ANO10: variants seen among roughly 807,000 people sequenced by gnomAD.
ANO10 encodes the protein anoctamin-10.
A neutral mutation model predicts 74.7 loss-of-function variants in ANO10; 77 were observed. That is an observed-to-expected ratio of 1.03 (90% CI 0.86 to 1.25). The LOEUF is 1.25. Ranked by LOEUF, ANO10 falls within the 50% of genes most tolerant of loss-of-function variation. The pLI, the probability that ANO10 is intolerant of heterozygous loss-of-function variation, is 0.00. For synonymous variants in ANO10, 279 were observed against 284.9 expected (o/e 0.98, Z 0.21); for missense variants, 721 against 778.1 (o/e 0.93, Z 0.87).
At chr3:43,645,444 G>A (rs947152994) in intron 1 of ANO10, among the ~76,000 whole-genome samples, 1 of 150,262 alleles carries the variant, frequency 6.7e-6, no homozygotes, top group African/African-American at 2.5e-5. Flanking sequence ...AGCTGAGATC[G>A]TGCCACTGCA....
intron 12 of ANO10, among the ~76,000 whole-genome samples, chr3:43,417,423 C>G (rs560246145): frequency 9.9e-5 from 15 of 152,268 alleles, no homozygotes; most frequent in African/African-American, 3.4e-4. Context: ...GTGAGCCCTA[C>G]TTAAATCAGA....
At position 43,366,911 on chromosome 3, in the gene ANO10, T is replaced by C; in HGVS notation, c.1978A>G (p.Thr660Ala). The C allele has an allele frequency of 2.5e-6, 4 of 1,590,286 alleles. No homozygotes were observed. The highest frequency in any genetic ancestry group is 3.4e-6 in the Non-Finnish European group (4 of 1,168,456). ...EPMESGKEKA[T>A] ...CAGCTGGGCACGCTGGGCACTCAGGTTGCCTTCTCCTTCCCGCTTTCCATT... is the reference window on the plus strand; with the variant it reads ...CAGCTGGGCACGCTGGGCACTCAGGCTGCCTTCTCCTTCCCGCTTTCCATT... Residue 660 changes from threonine (T) to alanine (A), a missense_variant, in exon 13 of 13, where the codon ACC becomes GCC. Physicochemically the swap from Thr to Ala is moderately conservative, Grantham distance 58. Coordinates refer to ENST00000292246, the MANE Select transcript of ANO10 (RefSeq NM_018075.5).
intron 12 of ANO10, among the ~76,000 whole-genome samples, chr3:43,403,239 G>T (rs1329505943): frequency 2.6e-5 from 4 of 152,222 alleles, no homozygotes; most frequent in Non-Finnish European, 4.4e-5. Context: ...ACTCACAGAG[G>T]TGCCACAGAT....
intron 1 of ANO10, chr3:43,636,576 G>A (rs909559515): frequency 2.0e-5 from 3 of 152,166 alleles, no homozygotes; most frequent in Non-Finnish European, 2.9e-5. Flanking sequence ...TATACAGAGA[G>A]GATTGAAAGA....
intron 9 of ANO10, among the ~76,000 whole-genome samples, chr3:43,560,996 T>C (rs2080004059): frequency 6.6e-6 from 1 of 152,248 alleles, no homozygotes; most frequent in Admixed American, 6.5e-5. Flanking sequence ...TCTCCAAATT[T>C]GCCCTTTGGT....
At position 43,580,573 on chromosome 3, in the gene ANO10, G is replaced by A. The variant is rs776942971; in HGVS notation, c.473-101C>T. On this transcript the variant is annotated intron_variant, in intron 4 of 12. Transcript: ENST00000292246. ...AGGACACTCCACAGAGGAGTACAAC[G>A]CAAAGGTCAATGTCATACTGCCTAC... The A allele has an allele frequency of 3.3e-4, 479 of 1,447,126 alleles. 1 individual carries two copies. The highest frequency in any genetic ancestry group is 4.4e-4 in the Non-Finnish European group (463 of 1,050,406). The allele number at this position is 1,447,126 out of a possible 1,614,324, so 89.6% of individuals were successfully genotyped here.
At chr3:43,567,635 A>C (rs545235080) in intron 7 of ANO10, among the ~76,000 whole-genome samples, 2 of 152,274 alleles carry the variant, frequency 1.3e-5, no homozygotes, top group South Asian at 4.2e-4. Flanking sequence ...GCAAATGCTG[A>C]GAGATTTTGT....
chr3:43,543,194 G>A (rs1416563994), intron 11 of ANO10, among the ~76,000 whole-genome samples: 2 of 152,076 alleles, frequency 1.3e-5, no homozygotes, highest in South Asian at 4.1e-4. Context: ...GAACACATGT[G>A]TGACAAAATG....
chr3:43,596,801 GA>G (rs2082109701), intron 4 of ANO10, among the ~76,000 whole-genome samples: 1 of 152,246 alleles, frequency 6.6e-6, no homozygotes, highest in Admixed American at 6.5e-5. Flanking sequence ...CACAGCAAAA[GA>G]AATTACCATC....
At chr3:43,565,823 G>T in intron 7 of ANO10, 96 bp from the exon 8 acceptor site, 1 of 1,365,618 alleles carries the variant, frequency 7.3e-7, no homozygotes, top group Non-Finnish European at 1.0e-6. Context: ...TAATGGGAGC[G>T]GGGAGGAGCC....
intron 11 of ANO10, among the ~76,000 whole-genome samples, chr3:43,522,989 G>A (rs1194749822): frequency 1.3e-5 from 2 of 152,200 alleles, no homozygotes; most frequent in Admixed American, 1.3e-4. Flanking sequence ...AAGGGAGGCT[G>A]GAAAGGGAGT....
intron 7 of ANO10, among the ~76,000 whole-genome samples, chr3:43,567,294 C>T (rs2080417823): frequency 6.6e-6 from 1 of 151,254 alleles, no homozygotes; most frequent in Non-Finnish European, 1.5e-5. Context: ...CCCAATCTAG[C>T]AAGGCAGGCC....
chr3:43,480,366 C>G (rs756867939), intron 11 of ANO10, among the ~76,000 whole-genome samples: 2 of 152,126 alleles, frequency 1.3e-5, no homozygotes, highest in Non-Finnish European at 2.9e-5. Context: ...TCCCTCTGAT[C>G]GAGGAGACCA....
chr3:43,554,756 G>C (rs2079655130), intron 10 of ANO10, among the ~76,000 whole-genome samples: 1 of 152,070 alleles, frequency 6.6e-6, no homozygotes. Flanking sequence ...CTTCCTTCAG[G>C]GAGAGAAGGA....
At chr3:43,479,523 C>A (rs1398941199) in intron 11 of ANO10, among the ~76,000 whole-genome samples, 1 of 151,806 alleles carries the variant, frequency 6.6e-6, no homozygotes, top group Admixed American at 6.6e-5. Flanking sequence ...GTACATCTGC[C>A]CTGAAGAGAG....
chr3:43,656,307 A>G (rs1262536167), intron 1 of ANO10, among the ~76,000 whole-genome samples: 1 of 152,162 alleles, frequency 6.6e-6, no homozygotes, highest in Non-Finnish European at 1.5e-5. Context: ...ACAATCCCTG[A>G]GCTAGACATA....
At chr3:43,586,578 G>T (rs2081490934) in intron 4 of ANO10, among the ~76,000 whole-genome samples, 1 of 151,924 alleles carries the variant, frequency 6.6e-6, no homozygotes, top group Admixed American at 6.6e-5. Context: ...AAGAAAACTG[G>T]CATCGAGCTA....
At chr3:43,628,335 T>C (rs1329944587) in intron 1 of ANO10, among the ~76,000 whole-genome samples, 1 of 152,250 alleles carries the variant, frequency 6.6e-6, no homozygotes, top group Non-Finnish European at 1.5e-5. Flanking sequence ...GAAGATTTCA[T>C]GGACACTTAT....
intron 11 of ANO10, among the ~76,000 whole-genome samples, chr3:43,510,520 T>C (rs1315985452): frequency 1.3e-5 from 2 of 151,710 alleles, no homozygotes; most frequent in Non-Finnish European, 2.9e-5. Flanking sequence ...GTGGATTGTA[T>C]CATTGTAAAT....
Sources: allele counts gnomAD v4.1 joint callset (sites outside exome capture counted in the v4.1 genomes callset), GRCh38; gene constraint gnomAD v4.1.1; transcripts MANE v1.5; gene names NCBI Gene and HGNC (gene_info 2026-07-23, HGNC 2026-07-21).